Variants in CAPNS1 observed in about 807,000 individuals in gnomAD.
CAPNS1 encodes the protein calpain small subunit 1.
Under a neutral mutation model 39.2 loss-of-function variants are expected in CAPNS1, and 32 were observed. The ratio of observed to expected loss-of-function variants is 0.82; its 90% CI spans 0.62 to 1.10. The LOEUF (loss-of-function observed/expected upper bound fraction) is 1.10, where lower values mean the gene tolerates loss of function less well. CAPNS1 is among the 50% of genes least tolerant of loss of function. The pLI, the probability that CAPNS1 is intolerant of heterozygous loss-of-function variation, is 0.00. For synonymous variants in CAPNS1, 153 were observed against 136.2 expected (o/e 1.12, Z -0.86); for missense variants, 353 against 373.1 (o/e 0.95, Z 0.44).
rs979627949 is a variant in CAPNS1, at chr19:36,149,913, G to A, written c.*74G>A. On this transcript the variant is annotated 3_prime_UTR_variant, in exon 11 of 11. Transcript: ENST00000246533. Reference sequence around the variant, plus strand: ...TGGAGCCTCGGTCTCTCCCAGGGCCGATCCTGTCTGCAGTCACATCTTTGT... The same window carrying A: ...TGGAGCCTCGGTCTCTCCCAGGGCCAATCCTGTCTGCAGTCACATCTTTGT... The A allele has an allele frequency of 9.4e-5, 123 of 1,307,496 alleles. No homozygotes were observed. Among genetic ancestry groups the A allele is most frequent in the African/African-American group, 1.4e-4 (9 of 65,570 alleles). 81.0% of individuals were successfully genotyped at this position (1,307,496 alleles called of 1,614,324 possible).
intron 1 of CAPNS1, chr19:36,140,650 G>A: frequency 3.9e-6 from 1 of 256,008 alleles, no homozygotes. Flanking sequence ...CTACATTCAG[G>A]CTGGGCTCTG....
intron 6 of CAPNS1, among the ~76,000 whole-genome samples, chr19:36,144,479 A>C (rs1974495886): frequency 6.6e-6 from 1 of 152,220 alleles, no homozygotes; most frequent in Non-Finnish European, 1.5e-5. Context: ...GCACAGGGAC[A>C]CACGTGTTAT....
chr19:36,144,721 C>T (rs1974502880), intron 6 of CAPNS1, among the ~76,000 whole-genome samples: 1 of 152,108 alleles, frequency 6.6e-6, no homozygotes, highest in Non-Finnish European at 1.5e-5. Flanking sequence ...CAGACACATA[C>T]ATAATATACA....
rs373765626 is a variant in CAPNS1 at position 36,145,993 on chromosome 19, C to G, written c.543C>G (p.Phe181Leu). Reference sequence around the variant, plus strand: ...CCTCACAGGCCATATACAAACAGTTCGACACTGACCGATCAGGGACCATTT... The same window carrying G: ...CCTCACAGGCCATATACAAACAGTTGGACACTGACCGATCAGGGACCATTT... ...IKRWQAIYKQ[F>L]DTDRSGTICS... is the part of the protein sequence containing the mutation. The change falls in exon 8 of 11, where the codon TTC (phenylalanine) becomes TTG (leucine). Residue 181 changes from phenylalanine to leucine, a missense_variant. Coordinates refer to ENST00000246533, the MANE Select transcript of CAPNS1 (RefSeq NM_001749.4). 8 of 1,614,052 alleles carry G rather than the reference C, an allele frequency of 5.0e-6. No individual in the cohort carries two copies. The Admixed American group carries it at 5.0e-5, about 10-fold the overall frequency.
chr19:36,143,869 T>TAAAATA (rs748479476), intron 6 of CAPNS1, among the ~76,000 whole-genome samples: 8 of 115,074 alleles, frequency 7.0e-5, no homozygotes, highest in Middle Eastern at 8.1e-3. Context: ...TCTCAAAAAA[T>TAAAATA]AAAATAAAAA....
At chr19:36,145,720 G>T in intron 6 of CAPNS1, 86 bp from the exon 7 acceptor site, 1 of 1,202,110 alleles carries the variant, frequency 8.3e-7, no homozygotes, top group Non-Finnish European at 1.2e-6. Context: ...TGGCTGCCCT[G>T]CTTGCTGTAT....
rs768612238 is a variant in CAPNS1, at chr19:36,143,146, G to T, written c.456+18G>T. 6.2e-7 allele frequency: 1 copy of T among 1,612,190 alleles called. No homozygotes were observed. The highest frequency in any genetic ancestry group is 2.2e-5 in the East Asian group (1 of 44,854). On this transcript the variant is annotated intron_variant, in intron 6 of 10. Coordinates refer to ENST00000246533, the MANE Select transcript of CAPNS1 (RefSeq NM_001749.4). ...TGATGGATGTATCCTTGGGGGCAGT[G>T]TGGGAGAGGCCCTGGGTGGACAGAG...
Position 36,141,210 on chromosome 19 carries a change from A to G in CAPNS1, c.199A>G (p.Ser67Gly). Residue 67 changes from serine (S) to glycine (G), a missense_variant, in exon 2 of 11, where the codon AGC becomes GGC. Transcript: ENST00000246533. The part of the protein sequence containing the change: ...TAMRILGGVI[S>G]AISEAAAQYN... ...CATGCGCATCCTAGGCGGAGTCATCAGCGCCATCAGGTAAGGCGGAGACTA... is the reference window on the plus strand; with the variant it reads ...CATGCGCATCCTAGGCGGAGTCATCGGCGCCATCAGGTAAGGCGGAGACTA... 4.7e-6 allele frequency: 7 copies of G among 1,498,338 alleles called. No homozygotes were observed. Among genetic ancestry groups the G allele is most frequent in the South Asian group, 2.6e-5 (2 of 76,738 alleles). 92.8% of individuals were successfully genotyped at this position (1,498,338 alleles called of 1,614,324 possible).
rs1599879208 is a variant in CAPNS1 at position 36,143,867 on chromosome 19, A to T, written c.456+739A>T. On this transcript the variant is annotated intron_variant, in intron 6 of 10. Coordinates refer to ENST00000246533, the MANE Select transcript of CAPNS1 (RefSeq NM_001749.4). ...GACAGAGCCAGACTCTGTCTCAAAA[A>T]ATAAAATAAAAATAAAAATAAAAAT... Among the ~76,000 whole-genome samples the T allele has an allele frequency of 2.1e-5, 3 of 144,362 alleles. No homozygotes were observed. In the Admixed American group the frequency reaches 2.1e-4, roughly 10 times the overall value. The allele number at this position is 144,362 out of a possible 152,430, so 94.7% of individuals were successfully genotyped here.
At chr19:36,142,875 T>A (rs765239180) in intron 4 of CAPNS1, 34 bp from the exon 5 acceptor site, 1 of 1,613,126 alleles carries the variant, frequency 6.2e-7, no homozygotes, top group Non-Finnish European at 8.5e-7. Flanking sequence ...CCCCTTTCAG[T>A]CACCCCTGAC....
intron 9 of CAPNS1, among the ~76,000 whole-genome samples, chr19:36,148,920 T>G (rs1387149943): frequency 6.6e-6 from 1 of 151,972 alleles, no homozygotes; most frequent in East Asian, 1.9e-4. Context: ...ATGTCTAGAT[T>G]CCCTGTGGGT....
At chr19:36,143,869 TAAAATAAAAATA>T (rs748479476) in intron 6 of CAPNS1, among the ~76,000 whole-genome samples, 169 of 115,070 alleles carry the variant, frequency 1.5e-3, no homozygotes, top group Middle Eastern at 8.1e-3. Context: ...TCTCAAAAAA[TAAAATAAAAATA>T]AAAATAAAAA....
At position 36,141,134 on chromosome 19, in the gene CAPNS1, C is replaced by G. The variant is rs764833172; in HGVS notation, c.123C>G (p.Gly41=). The change falls in exon 2 of 11, where the codon GGC becomes GGG. Residue 41 remains glycine (G), a synonymous_variant. Coordinates refer to ENST00000246533, the MANE Select transcript of CAPNS1 (RefSeq NM_001749.4). ...GLISGAGGGG[G]GGGGGGGGGG... Reference sequence around the variant, plus strand: ...TCAGCGGGGCCGGGGGCGGCGGCGGCGGCGGCGGCGGCGGCGGCGGTGGTG... The same window carrying G: ...TCAGCGGGGCCGGGGGCGGCGGCGGGGGCGGCGGCGGCGGCGGCGGTGGTG... The G allele has an allele frequency of 7.3e-7, 1 of 1,375,518 alleles. No individual in the cohort carries two copies. Among genetic ancestry groups the G allele is most frequent in the Admixed American group, 3.9e-5 (1 of 25,532 alleles). The allele number at this position is 1,375,518 out of a possible 1,614,324, so 85.2% of individuals were successfully genotyped here.
At chr19:36,149,542 T>G (rs749740689) in intron 9 of CAPNS1, 36 bp from the exon 10 acceptor site, 1 of 1,443,276 alleles carries the variant, frequency 6.9e-7, no homozygotes, top group Non-Finnish European at 9.1e-7. Context: ...GTCTCCTTCC[T>G]TCCCTGCCGC....
rs531334757 is a variant in CAPNS1 at position 36,143,760 on chromosome 19, G to A, written c.456+632G>A. Among the ~76,000 whole-genome samples the A allele has an allele frequency of 8.0e-4, 121 of 151,450 alleles. 1 individual carries two copies. The Middle Eastern group carries it at 0.014, about 17-fold the overall frequency. Reference sequence around the variant, plus strand: ...CGCCTGTAGTCCCAGCTATTCGGGAGGCTGAAGCAGGAGAATGGCGTGAAC... The same window carrying A: ...CGCCTGTAGTCCCAGCTATTCGGGAAGCTGAAGCAGGAGAATGGCGTGAAC... On this transcript the variant is annotated intron_variant, in intron 6 of 10. Transcript: ENST00000246533.
Position 36,142,888 on chromosome 19 carries a change from GC to G in CAPNS1, c.334-17del. 6.2e-7 allele frequency: 1 copy of G among 1,613,958 alleles called. No homozygotes were observed. The highest frequency in any genetic ancestry group is 1.3e-5 in the African/African-American group (1 of 75,028). Reference sequence around the variant, plus strand: ...GACCCCTTTCAGTCACCCCTGACCTGCCCCTAACTTCCGCCCGCAGGACATG... The same window carrying G: ...GACCCCTTTCAGTCACCCCTGACCTGCCCTAACTTCCGCCCGCAGGACATG... On this transcript the variant is annotated intron_variant, in intron 4 of 10. Coordinates refer to ENST00000246533, the MANE Select transcript of CAPNS1 (RefSeq NM_001749.4).
intron 1 of CAPNS1, 198 bp from the exon 2 acceptor site, chr19:36,140,799 C>G (rs1312985035): frequency 8.2e-6 from 5 of 610,672 alleles, no homozygotes; most frequent in Non-Finnish European, 1.3e-5. Flanking sequence ...CCCACGGGTG[C>G]CTTTTAGACC....
At position 36,141,186 on chromosome 19, in the gene CAPNS1, A is replaced by C; in HGVS notation, c.175A>C (p.Met59Leu). The change falls in exon 2 of 11, where the codon ATG (methionine) becomes CTG (leucine). Residue 59 changes from methionine to leucine, a missense_variant. Met to Leu is a conservative substitution (Grantham distance 15). Coordinates refer to ENST00000246533, the MANE Select transcript of CAPNS1 (RefSeq NM_001749.4). ...GGGGGGGGTA[M>L]RILGGVISAI... ...AGGCGGCGGTGGCGGTGGAACGGCC[A>C]TGCGCATCCTAGGCGGAGTCATCAG... The C allele has an allele frequency of 6.9e-7, 1 of 1,449,894 alleles. No individual in the cohort carries two copies. The highest frequency in any genetic ancestry group is 9.0e-7 in the Non-Finnish European group (1 of 1,106,896). 89.8% of individuals were successfully genotyped at this position (1,449,894 alleles called of 1,614,324 possible).
rs757028366 is a variant in CAPNS1 at position 36,142,336 on chromosome 19, A to G, written c.243+3A>G. The G allele has an allele frequency of 2.8e-6, 4 of 1,413,606 alleles. No individual in the cohort carries two copies. The highest frequency in any genetic ancestry group is 3.8e-6 in the Non-Finnish European group (4 of 1,053,852). 87.6% of individuals were successfully genotyped at this position (1,413,606 alleles called of 1,614,324 possible). A position where few individuals can be genotyped will look rare whatever the true frequency, so the allele number is the denominator to read the frequency against. On this transcript the variant is annotated splice_donor_region_variant and intron_variant, in intron 3 of 10. Transcript: ENST00000246533. ...CGCAGTACAACCCGGAGCCCCCGGT[A>G]AGCCCCCTCTGCAACCAGACCCCCT...
Sources: gnomAD v4.1 joint callset for allele counts (sites outside exome capture counted in the v4.1 genomes callset) on GRCh38, gnomAD v4.1.1 for gene constraint, MANE v1.5 for transcripts, NCBI Gene and HGNC (gene_info 2026-07-23, HGNC 2026-07-21) for gene names.